Variants in KANSL2 observed in about 807,000 individuals in gnomAD.
KANSL2 encodes the protein NSL complex protein NSL2.
Under a neutral mutation model 55.6 loss-of-function variants are expected in KANSL2, and 34 were observed. That is an observed-to-expected ratio of 0.61 (90% CI 0.46 to 0.81). The LOEUF (loss-of-function observed/expected upper bound fraction) is 0.81. Among genes scored for constraint, KANSL2 ranks in the 40% least tolerant of loss-of-function variants. The pLI is 0.00. For missense variants in KANSL2, 502 were observed against 609.9 expected, an observed-to-expected ratio of 0.82 and a Z score of 1.86; for synonymous variants, 209 against 214.3, an observed-to-expected ratio of 0.98 and a Z score of 0.22.
In KANSL2 at chr12:48,676,003, T is replaced by C. The variant is rs1325099990; in HGVS notation, c.545+3033A>G. On this transcript the variant is annotated intron_variant, in intron 4 of 9. Coordinates refer to ENST00000420613, the MANE Select transcript of KANSL2 (RefSeq NM_017822.4). ...CAGCCAAACAAGTTATAGATGTTTA[T>C]AGAGGTCATATGATACAATTATTAT... is the stretch of plus-strand genomic sequence containing the variant. 3.9e-5 allele frequency among the ~76,000 whole-genome samples: 6 copies of C among 152,238 alleles called. No individual in the cohort carries two copies. The South Asian group carries it at 6.2e-4, about 16-fold the overall frequency.
chr12:48,676,112 A>AT (rs919507731), intron 4 of KANSL2, among the ~76,000 whole-genome samples: 1 of 151,976 alleles, frequency 6.6e-6, no homozygotes, highest in South Asian at 2.1e-4. Context: ...GCTTTTATTT[A>AT]TTTTTTCTGT....
chr12:48,654,849 T>A lies in KANSL2; in HGVS notation c.1347+92A>T. The A allele has an allele frequency of 2.3e-6, 3 of 1,320,804 alleles. No individual in the cohort carries two copies. The African/African-American group carries it at 4.4e-5, about 19-fold the overall frequency. The allele number at this position is 1,320,804 out of a possible 1,614,324, so 81.8% of individuals were successfully genotyped here. A position where few individuals can be genotyped will look rare whatever the true frequency, so the allele number is the denominator to read the frequency against. On this transcript the variant is annotated intron_variant, in intron 9 of 9. Coordinates refer to ENST00000420613, the MANE Select transcript of KANSL2 (RefSeq NM_017822.4). The stretch of plus-strand genomic sequence containing the variant: ...CTTTATACTAGTGATGACACCCCAC[T>A]CCCCTCCAGGAGCACATGCTATCTA...
At chr12:48,672,396 T>C in intron 4 of KANSL2, among the ~76,000 whole-genome samples, 1 of 136,806 alleles carries the variant, frequency 7.3e-6, no homozygotes, top group East Asian at 2.2e-4. Context: ...TATACATGTA[T>C]ATATATATAT....
intron 5 of KANSL2, among the ~76,000 whole-genome samples, chr12:48,670,966 T>TA (rs1356135651): frequency 1.1e-4 from 16 of 151,670 alleles, no homozygotes; most frequent in South Asian, 4.2e-4. Flanking sequence ...TCTGTCTCTT[T>TA]AAAAAAAAGC....
chr12:48,665,646 TTTAA>T (rs1395893946), intron 7 of KANSL2, among the ~76,000 whole-genome samples: 1 of 152,246 alleles, frequency 6.6e-6, no homozygotes, highest in African/African-American at 2.4e-5. Flanking sequence ...AGCAATCCTA[TTTAA>T]TTAACAAGTG....
intron 5 of KANSL2, among the ~76,000 whole-genome samples, chr12:48,669,676 C>G (rs1489711092): frequency 6.6e-6 from 1 of 151,958 alleles, no homozygotes; most frequent in African/African-American, 2.4e-5. Flanking sequence ...CGCCACCACG[C>G]CCGGCTAATT....
At chr12:48,671,383 T>C (rs1231195033) in intron 5 of KANSL2, among the ~76,000 whole-genome samples, 1 of 152,196 alleles carries the variant, frequency 6.6e-6, no homozygotes, top group East Asian at 1.9e-4. Flanking sequence ...ACAGTACTTA[T>C]AACGTCTAAA....
chr12:48,681,011 T>C (rs369120470), intron 2 of KANSL2, among the ~76,000 whole-genome samples: 148 of 150,276 alleles, frequency 9.8e-4, no homozygotes, highest in African/African-American at 3.5e-3. Flanking sequence ...CCGGGCGCGG[T>C]CGCTCACGCC....
intron 4 of KANSL2, 34 bp from the exon 5 acceptor site, chr12:48,671,996 AAAC>A: frequency 6.6e-7 from 1 of 1,514,352 alleles, no homozygotes; most frequent in Non-Finnish European, 8.9e-7. Context: ...AAGCATAAGA[AAAC>A]AATAATAATA....
At chr12:48,665,624 CA>C (rs1238504338) in intron 7 of KANSL2, among the ~76,000 whole-genome samples, 5 of 152,144 alleles carry the variant, frequency 3.3e-5, no homozygotes, top group African/African-American at 9.7e-5. Context: ...TCTTGCCAAG[CA>C]AATGAAATCC....
intron 8 of KANSL2, 114 bp downstream of exon 8, chr12:48,660,252 T>G: frequency 1.0e-6 from 1 of 994,906 alleles, no homozygotes; most frequent in South Asian, 1.7e-5. Flanking sequence ...TACGTATATA[T>G]CACTTCAAAA....
intron 4 of KANSL2, among the ~76,000 whole-genome samples, chr12:48,672,433 A>ACGTATATATATATATATATTTTTTT (rs1939741058): frequency 8.3e-6 from 1 of 120,384 alleles, no homozygotes; most frequent in African/African-American, 3.6e-5. Context: ...ATATATATAT[A>ACGTATATATATATATATATTTTTTT]TTTTTTTTTT....
Position 48,682,221 on chromosome 12 carries a change from C to G in KANSL2, c.-44G>C. 1.6e-6 allele frequency: 1 copy of G among 643,590 alleles called. No individual in the cohort carries two copies. The highest frequency in any genetic ancestry group is 2.8e-6 in the Non-Finnish European group (1 of 356,258). 39.9% of individuals were successfully genotyped at this position (643,590 alleles called of 1,614,324 possible). ...TGCGCTGCGCCGCACTCTGCCGCGC[C>G]GCTCGCCCTTCTCTAGTGGCGCCAG... is the stretch of plus-strand genomic sequence containing the variant. On this transcript the variant is annotated 5_prime_UTR_variant, in exon 1 of 10. Transcript: ENST00000420613.
In KANSL2 at chr12:48,656,945, C is replaced by T. The variant is rs945734763; in HGVS notation, c.1228-1885G>A. ...ATAGATGCTCCGTGTTTCTATTCAT[C>T]TAGCTTCACGAGAAGCTTAGTTCTA... is the stretch of plus-strand genomic sequence containing the variant. On this transcript the variant is annotated intron_variant, in intron 8 of 9. Transcript: ENST00000420613. 4.6e-5 allele frequency among the ~76,000 whole-genome samples: 7 copies of T among 152,338 alleles called. 1 individual carries two copies. The highest frequency in any genetic ancestry group is 1.3e-4 in the Admixed American group (2 of 15,294).
chr12:48,672,433 ATT>A (rs1555155470), intron 4 of KANSL2, among the ~76,000 whole-genome samples: 2 of 120,384 alleles, frequency 1.7e-5, no homozygotes, highest in Non-Finnish European at 3.2e-5. Context: ...ATATATATAT[ATT>A]TTTTTTTTGA....
chr12:48,675,162 G>A (rs1386778479), intron 4 of KANSL2, among the ~76,000 whole-genome samples: 1 of 151,828 alleles, frequency 6.6e-6, no homozygotes, highest in Non-Finnish European at 1.5e-5. Context: ...TTGGGAGACC[G>A]AGGTGGGCAT....
chr12:48,664,276 G>A (rs1013765845), intron 7 of KANSL2, among the ~76,000 whole-genome samples: 3 of 107,826 alleles, frequency 2.8e-5, no homozygotes, highest in African/African-American at 9.9e-5. Context: ...TATGTTTTAA[G>A]CAATTTTTTT....
chr12:48,656,689 C>T (rs758232758), intron 8 of KANSL2: 25 of 517,648 alleles, frequency 4.8e-5, no homozygotes, highest in Non-Finnish European at 9.2e-5. Context: ...CACTGGAATA[C>T]TGAATAGCCA....
In KANSL2 at chr12:48,672,432, TA is replaced by T. The variant is rs199678536; in HGVS notation, c.546-471del. Among the ~76,000 whole-genome samples the T allele has an allele frequency of 1.4e-3, 150 of 104,440 alleles. 3 individuals carry two copies. Among genetic ancestry groups the T allele is most frequent in the African/African-American group, 3.2e-3 (74 of 22,916 alleles). 68.5% of individuals were successfully genotyped at this position (104,440 alleles called of 152,430 possible). A position where few individuals can be genotyped will look rare whatever the true frequency, so the allele number is the denominator to read the frequency against. On this transcript the variant is annotated intron_variant, in intron 4 of 9. Transcript: ENST00000420613. ...ACGTATATATATATATATATATATA[TA>T]TTTTTTTTTTGAGATAAGGTCTCAC... is the stretch of plus-strand genomic sequence containing the variant.
Sources: allele counts gnomAD v4.1 joint callset (sites outside exome capture counted in the v4.1 genomes callset), GRCh38; gene constraint gnomAD v4.1.1; transcripts MANE v1.5; gene names NCBI Gene and HGNC (gene_info 2026-07-23, HGNC 2026-07-21).